The following ATRNL1 variants were observed in gnomAD, a reference collection of about 807,000 sequenced individuals.
The protein encoded by ATRNL1 is attractin-like protein 1.
A neutral mutation model predicts 182.7 loss-of-function variants in ATRNL1; 95 were observed. The ratio of observed to expected loss-of-function variants is 0.52; its 90% CI spans 0.44 to 0.62. The LOEUF (loss-of-function observed/expected upper bound fraction) is 0.62, where lower values mean the gene tolerates loss of function less well. Ranked by LOEUF, ATRNL1 falls within the 20% of genes least tolerant of loss-of-function variation. The pLI, the probability that ATRNL1 is intolerant of heterozygous loss-of-function variation, is 0.00. For synonymous variants in ATRNL1, 576 were observed against 568.3 expected (o/e 1.01, Z -0.19); for missense variants, 1,471 against 1,679.5 (o/e 0.88, Z 2.17).
At chr10:115,281,559 G>T in intron 14 of ATRNL1, 72 bp downstream of exon 14, 3 of 1,416,608 alleles carry the variant, frequency 2.1e-6, no homozygotes, top group Non-Finnish European at 1.9e-6. Context: ...AGTACATTTA[G>T]TAAGGACACT....
intron 23 of ATRNL1, among the ~76,000 whole-genome samples, 197 bp downstream of exon 23, chr10:115,467,449 TTAAAATTAGATTG>T (rs1848106414): frequency 6.6e-6 from 1 of 150,884 alleles, no homozygotes; most frequent in Admixed American, 6.6e-5. Context: ...CTTTATTCAA[TTAAAATTAGATTG>T]GTAACAAATA....
intron 8 of ATRNL1, among the ~76,000 whole-genome samples, chr10:115,212,450 G>C (rs1279620544): frequency 3.3e-5 from 5 of 151,764 alleles, no homozygotes; most frequent in Non-Finnish European, 7.4e-5. Flanking sequence ...ATTTCTCAAA[G>C]ACCTAAAGAT....
intron 27 of ATRNL1, among the ~76,000 whole-genome samples, chr10:115,752,572 G>A (rs1948477439): frequency 6.6e-6 from 1 of 152,106 alleles, no homozygotes; most frequent in South Asian, 2.1e-4. Context: ...ACCATGGCAA[G>A]AGCATGCACA....
At chr10:115,115,982 G>A (rs1844467143) in intron 1 of ATRNL1, among the ~76,000 whole-genome samples, 1 of 152,078 alleles carries the variant, frequency 6.6e-6, no homozygotes, top group Admixed American at 6.6e-5. Context: ...GCTAGAATGA[G>A]ATATTGACAA....
chr10:115,470,120 T>C (rs916348376), intron 24 of ATRNL1, among the ~76,000 whole-genome samples: 6 of 150,578 alleles, frequency 4.0e-5, no homozygotes, highest in Admixed American at 1.3e-4. Context: ...TAGTAAATTA[T>C]AGCATATGCT....
At chr10:115,299,240 G>T (rs1315756676) in intron 15 of ATRNL1, among the ~76,000 whole-genome samples, 1 of 151,660 alleles carries the variant, frequency 6.6e-6, no homozygotes, top group African/African-American at 2.4e-5. Flanking sequence ...CTTGGATCAT[G>T]AATATATCAT....
intron 26 of ATRNL1, among the ~76,000 whole-genome samples, chr10:115,601,070 ATTTTCATTT>A (rs1425845453): frequency 1.3e-5 from 2 of 150,690 alleles, no homozygotes; most frequent in African/African-American, 4.9e-5. Flanking sequence ...GATATGTTGC[ATTTTCATTT>A]TTTTCATTTC....
At chr10:115,383,022 T>G in intron 19 of ATRNL1, among the ~76,000 whole-genome samples, 1 of 151,930 alleles carries the variant, frequency 6.6e-6, no homozygotes, top group African/African-American at 2.4e-5. Flanking sequence ...AGGAAGTTCT[T>G]TTTATTTCTA....
intron 20 of ATRNL1, among the ~76,000 whole-genome samples, chr10:115,399,527 T>C (rs1554956457): frequency 6.6e-6 from 1 of 152,114 alleles, no homozygotes; most frequent in African/African-American, 2.4e-5. Flanking sequence ...TTCTTGTTGT[T>C]TCTGATTGCG....
intron 26 of ATRNL1, among the ~76,000 whole-genome samples, chr10:115,656,103 C>T (rs1205317339): frequency 6.6e-6 from 1 of 152,154 alleles, no homozygotes; most frequent in Non-Finnish European, 1.5e-5. Flanking sequence ...CTTAATTGAT[C>T]TCCAACAGTA....
intron 28 of ATRNL1, among the ~76,000 whole-genome samples, chr10:115,880,792 T>G (rs1401491028): frequency 1.3e-5 from 2 of 152,198 alleles, no homozygotes; most frequent in Non-Finnish European, 2.9e-5. Context: ...AGTTAAACCC[T>G]TTATGCTCTT....
chr10:115,285,113 T>G (rs1554918234), intron 14 of ATRNL1, among the ~76,000 whole-genome samples: 1 of 152,144 alleles, frequency 6.6e-6, no homozygotes, highest in Non-Finnish European at 1.5e-5. Context: ...TTGGGCCTAT[T>G]TGTATACCAT....
chr10:115,692,894 G>C (rs904580552), intron 26 of ATRNL1, among the ~76,000 whole-genome samples: 2 of 152,042 alleles, frequency 1.3e-5, no homozygotes, highest in African/African-American at 4.8e-5. Context: ...TATAACCTAT[G>C]AGTAAAGGAG....
chr10:115,148,493 A>G (rs1846065197), intron 5 of ATRNL1, among the ~76,000 whole-genome samples: 1 of 152,124 alleles, frequency 6.6e-6, no homozygotes, highest in African/African-American at 2.4e-5. Flanking sequence ...TAGGTGGTGA[A>G]AGTGGACATC....
chr10:115,725,264 AT>A (rs1555059574), intron 26 of ATRNL1, among the ~76,000 whole-genome samples: 1 of 152,222 alleles, frequency 6.6e-6, no homozygotes, highest in African/African-American at 2.4e-5. Flanking sequence ...AAATTTAAAA[AT>A]TGAACAAAAG....
At chr10:115,338,886 A>G (rs1204363332) in intron 19 of ATRNL1, among the ~76,000 whole-genome samples, 1 of 152,164 alleles carries the variant, frequency 6.6e-6, no homozygotes, top group Non-Finnish European at 1.5e-5. Flanking sequence ...TCTTTATACC[A>G]TATGCTTTTT....
intron 9 of ATRNL1, among the ~76,000 whole-genome samples, chr10:115,237,458 T>G (rs1420162769): frequency 6.6e-6 from 1 of 152,270 alleles, no homozygotes; most frequent in Non-Finnish European, 1.5e-5. Context: ...CACTGTTATT[T>G]TAATCTGCAT....
chr10:115,129,096 C>A (rs952312721), intron 4 of ATRNL1, among the ~76,000 whole-genome samples: 6 of 152,060 alleles, frequency 3.9e-5, no homozygotes, highest in Non-Finnish European at 2.9e-5. Context: ...CATTTGGAGT[C>A]TTGGTATCAA....
At chr10:115,798,815 T>C (rs1175630022) in intron 27 of ATRNL1, among the ~76,000 whole-genome samples, 1 of 139,084 alleles carries the variant, frequency 7.2e-6, no homozygotes, top group African/African-American at 2.7e-5. Context: ...TTTTTTTTTC[T>C]TTTTTTTCTT....
Sources: allele counts gnomAD v4.1 joint callset (sites outside exome capture counted in the v4.1 genomes callset), GRCh38; gene constraint gnomAD v4.1.1; transcripts MANE v1.5; gene names NCBI Gene and HGNC (gene_info 2026-07-23, HGNC 2026-07-21).